DCC: variants seen among roughly 807,000 people sequenced by gnomAD.
The protein encoded by DCC is netrin receptor DCC.
A neutral mutation model predicts 172.5 loss-of-function variants in DCC; 58 were observed. That is an observed-to-expected ratio of 0.34 (90% CI 0.27 to 0.42). The LOEUF is 0.42. Ranked by LOEUF, DCC falls within the 10% of genes least tolerant of loss-of-function variation. The pLI is 1.00. For synonymous variants in DCC, 709 were observed against 644.5 expected (o/e 1.10, Z -1.52); for missense variants, 1,740 against 1,791.0 (o/e 0.97, Z 0.51).
intron 1 of DCC, among the ~76,000 whole-genome samples, chr18:52,666,574 C>A (rs969788552): frequency 6.6e-6 from 1 of 152,100 alleles, no homozygotes; most frequent in Non-Finnish European, 1.5e-5. Context: ...CGTGTTTCTG[C>A]CAATCAAATA....
At chr18:52,474,206 TAGAGAGAGAGAGAGAGAG>T (rs61277582) in intron 1 of DCC, among the ~76,000 whole-genome samples, 8 of 100,628 alleles carry the variant, frequency 8.0e-5, no homozygotes, top group African/African-American at 2.5e-4. Context: ...GTAACAGACC[TAGAGAGAGAGAGAGAGAG>T]AGAGAGAGAG....
chr18:53,469,176 T>C (rs1328572012), intron 25 of DCC, among the ~76,000 whole-genome samples: 1 of 152,220 alleles, frequency 6.6e-6, no homozygotes, highest in African/African-American at 2.4e-5. Flanking sequence ...ACTTAGGTTT[T>C]ATAGTCACTT....
intron 1 of DCC, among the ~76,000 whole-genome samples, chr18:52,391,237 G>A (rs1274812546): frequency 6.6e-6 from 1 of 152,040 alleles, no homozygotes; most frequent in Non-Finnish European, 1.5e-5. Context: ...TTCTTCCCAA[G>A]GGATTTTTCT....
intron 1 of DCC, among the ~76,000 whole-genome samples, chr18:52,747,214 T>C (rs962627264): frequency 1.3e-5 from 2 of 152,162 alleles, no homozygotes; most frequent in African/African-American, 4.8e-5. Flanking sequence ...TGGATGAGAT[T>C]TGGGAACTTT....
intron 3 of DCC, among the ~76,000 whole-genome samples, chr18:52,917,328 G>C (rs1300866017): frequency 6.6e-6 from 1 of 151,798 alleles, no homozygotes; most frequent in Non-Finnish European, 1.5e-5. Context: ...GTTTCAAAAA[G>C]AATCAATATT....
intron 2 of DCC, among the ~76,000 whole-genome samples, chr18:52,773,597 G>A (rs1157281003): frequency 6.6e-6 from 1 of 152,074 alleles, no homozygotes; most frequent in Non-Finnish European, 1.5e-5. Context: ...TGCGATCTCG[G>A]CTCACTGCAA....
chr18:53,015,423 G>T (rs771539475), intron 5 of DCC, among the ~76,000 whole-genome samples: 3 of 152,052 alleles, frequency 2.0e-5, no homozygotes, highest in Admixed American at 6.6e-5. Context: ...TCTAGCTCAA[G>T]TTTATTGAAC....
At chr18:53,089,645 T>G (rs180942272) in intron 7 of DCC, among the ~76,000 whole-genome samples, 3 of 152,210 alleles carry the variant, frequency 2.0e-5, no homozygotes, top group Admixed American at 1.3e-4. Context: ...CACCTAAAAG[T>G]ACTGTGGCCC....
At chr18:52,545,524 G>A (rs1372377533) in intron 1 of DCC, among the ~76,000 whole-genome samples, 1 of 152,178 alleles carries the variant, frequency 6.6e-6, no homozygotes, top group Non-Finnish European at 1.5e-5. Flanking sequence ...CAGGTAAAAG[G>A]TTCAGTATCA....
intron 2 of DCC, among the ~76,000 whole-genome samples, chr18:52,759,982 G>A (rs1017131221): frequency 6.6e-6 from 1 of 152,140 alleles, no homozygotes; most frequent in African/African-American, 2.4e-5. Flanking sequence ...AAATAAACTG[G>A]GGGAACTTGA....
intron 1 of DCC, among the ~76,000 whole-genome samples, chr18:52,605,876 G>A (rs961914210): frequency 1.3e-5 from 2 of 152,090 alleles, no homozygotes; most frequent in Non-Finnish European, 2.9e-5. Context: ...ATCTCATGCA[G>A]CTTAATATGG....
At chr18:52,805,222 C>T (rs560061364) in intron 2 of DCC, among the ~76,000 whole-genome samples, 149 of 152,190 alleles carry the variant, frequency 9.8e-4, no homozygotes, top group Non-Finnish European at 7.2e-4. Context: ...TGCCTTTCAA[C>T]GCAAATGGAA....
At chr18:53,360,445 A>G (rs2057933667) in intron 15 of DCC, among the ~76,000 whole-genome samples, 1 of 152,150 alleles carries the variant, frequency 6.6e-6, no homozygotes, top group African/African-American at 2.4e-5. Context: ...AAGTCTTTTA[A>G]TCATACTTAG....
chr18:53,429,059 T>C (rs1429127594), intron 21 of DCC, among the ~76,000 whole-genome samples: 1 of 48,242 alleles, frequency 2.1e-5, no homozygotes, highest in African/African-American at 4.8e-5. Flanking sequence ...ATATATTATA[T>C]ATTTTATATA....
chr18:53,094,083 A>G (rs2043050616), intron 7 of DCC, among the ~76,000 whole-genome samples: 1 of 152,232 alleles, frequency 6.6e-6, no homozygotes, highest in Non-Finnish European at 1.5e-5. Context: ...AATCAGTGAC[A>G]TTATGATTTC....
intron 23 of DCC, among the ~76,000 whole-genome samples, chr18:53,457,643 A>T (rs1372409779): frequency 6.6e-6 from 1 of 152,198 alleles, no homozygotes; most frequent in African/African-American, 2.4e-5. Flanking sequence ...TGAGTTGCAG[A>T]TCAGTTTGCC....
chr18:53,132,729 C>T (rs1178211497), intron 7 of DCC, among the ~76,000 whole-genome samples: 2 of 152,082 alleles, frequency 1.3e-5, no homozygotes, highest in African/African-American at 4.8e-5. Context: ...TTTATTAGGA[C>T]TTGTTCCTGA....
chr18:52,621,112 G>A (rs944395755), intron 1 of DCC, among the ~76,000 whole-genome samples: 8 of 152,192 alleles, frequency 5.3e-5, no homozygotes, highest in South Asian at 2.1e-4. Context: ...GCTGCTAGCC[G>A]CCAAATCCAT....
At position 52,715,295 on chromosome 18, in the gene DCC, C is replaced by CTTTT. The variant is rs10658253; in HGVS notation, c.92-36752_92-36749dup. 7.2e-4 allele frequency among the ~76,000 whole-genome samples: 104 copies of CTTTT among 144,794 alleles called. No individual in the cohort carries two copies. In the East Asian group the frequency reaches 7.7e-3, roughly 11 times the overall value. The allele number at this position is 144,794 out of a possible 152,430, so 95.0% of individuals were successfully genotyped here. On this transcript the variant is annotated intron_variant, in intron 1 of 28. Coordinates refer to ENST00000442544, the MANE Select transcript of DCC (RefSeq NM_005215.4). The stretch of plus-strand genomic sequence containing the variant: ...AAAAAAACACTACATTTTTTCTTTT[C>CTTTT]TTTTTTTTTTATTGTTGTTTTTGAG...
Sources: allele counts gnomAD v4.1 joint callset (sites outside exome capture counted in the v4.1 genomes callset), GRCh38; gene constraint gnomAD v4.1.1; transcripts MANE v1.5; gene names NCBI Gene and HGNC (gene_info 2026-07-23, HGNC 2026-07-21).